The following CARMIL3 variants were observed in gnomAD, a reference collection of about 807,000 sequenced individuals.
The protein encoded by CARMIL3 is capping protein regulator and myosin 1 linker 3.
Under a neutral mutation model 180.8 loss-of-function variants are expected in CARMIL3, and 88 were observed. That is an observed-to-expected ratio of 0.49 (90% CI 0.41 to 0.58). The LOEUF is 0.58. Among genes scored for constraint, CARMIL3 ranks in the 20% least tolerant of loss-of-function variants. CARMIL3 has a pLI of 0.00. For synonymous variants in CARMIL3, 696 were observed against 714.5 expected, an observed-to-expected ratio of 0.97 and a Z score of 0.41; for missense variants, 1,548 against 1,787.0, an observed-to-expected ratio of 0.87 and a Z score of 2.41.
intron 13 of CARMIL3, 57 bp downstream of exon 13, chr14:24,057,081 C>A: frequency 6.3e-7 from 1 of 1,592,710 alleles, no homozygotes; most frequent in Non-Finnish European, 8.6e-7. Context: ...GCTTCAGGAG[C>A]TGGGAGGCCT....
chr14:24,054,312 G>A lies in CARMIL3; in HGVS notation c.246+11G>A. The A allele has an allele frequency of 6.2e-7, 1 of 1,614,200 alleles. No homozygotes were observed. Among genetic ancestry groups the A allele is most frequent in the Non-Finnish European group, 8.5e-7 (1 of 1,180,034 alleles). ...CTCAGTCAGAATCAGGTGAGTACCA[G>A]GGCTTTGGGCCCCACTACTGGGCCA... On this transcript the variant is annotated intron_variant, in intron 4 of 39. Coordinates refer to ENST00000342740, the MANE Select transcript of CARMIL3 (RefSeq NM_138360.4). The surrounding 1 kb of genome is among the most constrained non-coding windows in gnomAD (Gnocchi z 5.1).
In CARMIL3 at chr14:24,061,608, C is replaced by A; in HGVS notation, c.2416C>A (p.Pro806Thr). ...CAATGTGGCGGAGCGTGTCACTGTG[C>A]CCCGGAACTTCATCCGAGGGGCACT... The part of the protein sequence containing the change: ...LSNVAERVTV[P>T]RNFIRGALLE... The change falls in exon 27 of 40, where the codon CCC becomes ACC. Residue 806 changes from proline to threonine, a missense_variant. By Grantham distance (38) the Pro-to-Thr change is conservative. This residue lies in a region of CARMIL3 where 297 missense variants were observed against 415.9 expected (regional missense o/e 0.71). Coordinates refer to ENST00000342740, the MANE Select transcript of CARMIL3 (RefSeq NM_138360.4). The surrounding 1 kb of genome is among the most constrained non-coding windows in gnomAD (Gnocchi z 4.1). 4 of 1,613,920 alleles carry A rather than the reference C, an allele frequency of 2.5e-6. No homozygotes were observed. The highest frequency in any genetic ancestry group is 1.3e-5 in the African/African-American group (1 of 74,980).
In CARMIL3 at chr14:24,061,189, C is replaced by A; in HGVS notation, c.2304+149C>A. ...CACCCACGCTCCCACTGTACCAAGGCATTGCTGCAATATCAGGCTTGGATT... is the reference window on the plus strand; with the variant it reads ...CACCCACGCTCCCACTGTACCAAGGAATTGCTGCAATATCAGGCTTGGATT... On this transcript the variant is annotated intron_variant, in intron 26 of 39. Transcript: ENST00000342740. The surrounding 1 kb of genome is among the most constrained non-coding windows in gnomAD (Gnocchi z 4.1). The A allele has an allele frequency of 1.4e-6, 1 of 693,002 alleles. No homozygotes were observed. 42.9% of individuals were successfully genotyped at this position (693,002 alleles called of 1,614,324 possible). A position where few individuals can be genotyped will look rare whatever the true frequency, so the allele number is the denominator to read the frequency against.
intron 27 of CARMIL3, chr14:24,062,276 G>C (rs1047737996): frequency 1.7e-6 from 1 of 606,036 alleles, no homozygotes; most frequent in African/African-American, 1.9e-5. Context: ...TGGGCTGGGG[G>C]CTCTGGGGTG....
Position 24,065,137 on chromosome 14 carries a change from C to CCCCCCCGGGGG in CARMIL3, c.3260_3261insCCCCCCGGGGG (p.Thr1088ProfsTer144). On this transcript the variant is annotated frameshift_variant, in exon 33 of 40. Transcript: ENST00000342740. LOFTEE classifies it high-confidence loss of function. ...CTCCCTCCACCCCCACCCCCTCCCC[C>CCCCCCCGGGGG]GACTCAGGAGAGCCCCCCTAGCCCA... 1 of 1,444,634 alleles carries CCCCCCCGGGGG rather than the reference C, an allele frequency of 6.9e-7. No homozygotes were observed. The allele number at this position is 1,444,634 out of a possible 1,614,324, so 89.5% of individuals were successfully genotyped here. A position where few individuals can be genotyped will look rare whatever the true frequency, so the allele number is the denominator to read the frequency against.
chr14:24,067,187 C>T (rs528571065), intron 36 of CARMIL3, among the ~76,000 whole-genome samples: 4 of 152,330 alleles, frequency 2.6e-5, no homozygotes, highest in South Asian at 2.1e-4. Context: ...CAGCCACCCG[C>T]GACCTTAAAC....
At position 24,069,188 on chromosome 14, in the gene CARMIL3, G is replaced by A. The variant is rs772801769; in HGVS notation, c.4034G>A (p.Arg1345Gln). The A allele has an allele frequency of 1.7e-5, 27 of 1,613,970 alleles. No homozygotes were observed. Among genetic ancestry groups the A allele is most frequent in the African/African-American group, 4.0e-5 (3 of 74,920 alleles). Residue 1345 changes from arginine to glutamine, a missense_variant, in exon 39 of 40, where the codon CGG (arginine) becomes CAG (glutamine). Coordinates refer to ENST00000342740, the MANE Select transcript of CARMIL3 (RefSeq NM_138360.4). ...RTAPLKPKRT[R>Q]RAQSCDKLEP... is the part of the protein sequence containing the mutation. ...GCCCCCCTGAAGCCCAAGAGGACAC[G>A]GCGGGCACAGTCCTGTGACAAGCTG...
In CARMIL3 at chr14:24,052,065, G is replaced by C; in HGVS notation, c.-89G>C. 6.6e-6 allele frequency: 9 copies of C among 1,355,290 alleles called. No homozygotes were observed. The South Asian group carries it at 1.2e-4, about 18-fold the overall frequency. The allele number at this position is 1,355,290 out of a possible 1,614,324, so 84.0% of individuals were successfully genotyped here. Reference sequence around the variant, plus strand: ...CCGCTGCTGCAGCGCTCAGCGCCCGGGCCCTGCTGAAGCCGGGTCTAGCAT... The same window carrying C: ...CCGCTGCTGCAGCGCTCAGCGCCCGCGCCCTGCTGAAGCCGGGTCTAGCAT... On this transcript the variant is annotated 5_prime_UTR_variant, in exon 1 of 40. Transcript: ENST00000342740.
In CARMIL3 at chr14:24,056,637, G is replaced by A; in HGVS notation, c.881G>A (p.Ser294Asn). Reference protein sequence around the residue: ...PIEDKGFLSLSQQLLCFPSGL... With the variant: ...PIEDKGFLSLNQQLLCFPSGL... ...CACTCCCCAGGTTTTCTCAGTCTGAGCCAGCAGCTCCTCTGCTTCCCCTCT... is the reference window on the plus strand; with the variant it reads ...CACTCCCCAGGTTTTCTCAGTCTGAACCAGCAGCTCCTCTGCTTCCCCTCT... Residue 294 changes from serine to asparagine, a missense_variant, in exon 12 of 40, where the codon AGC becomes AAC. By Grantham distance (46) the Ser-to-Asn change is conservative. This residue lies in a region of CARMIL3 where 578 missense variants were observed against 666.5 expected (regional missense o/e 0.87). Coordinates refer to ENST00000342740, the MANE Select transcript of CARMIL3 (RefSeq NM_138360.4). 2 of 1,613,912 alleles carry A rather than the reference G, an allele frequency of 1.2e-6. No homozygotes were observed. Among genetic ancestry groups the A allele is most frequent in the Non-Finnish European group, 1.7e-6 (2 of 1,180,020 alleles).
Position 24,063,439 on chromosome 14 carries a change from C to G in CARMIL3, c.2885C>G (p.Ser962Cys). 6.2e-7 allele frequency: 1 copy of G among 1,613,938 alleles called. No individual in the cohort carries two copies. Among genetic ancestry groups the G allele is most frequent in the East Asian group, 2.2e-5 (1 of 44,864 alleles). Reference protein sequence around the residue: ...PTASGSWEGLSELPTHGYKLR... With the variant: ...PTASGSWEGLCELPTHGYKLR... Reference sequence around the variant, plus strand: ...GCTAGTGGCTCCTGGGAAGGTCTATCTGAGCTGCCCACTCATGGTTACAAA... The same window carrying G: ...GCTAGTGGCTCCTGGGAAGGTCTATGTGAGCTGCCCACTCATGGTTACAAA... The change falls in exon 31 of 40, where the codon TCT becomes TGT. Residue 962 changes from serine (S) to cysteine (C), a missense_variant. Transcript: ENST00000342740.
intron 14 of CARMIL3, 24 bp from the exon 15 acceptor site, chr14:24,057,779 G>A (rs1302085026): frequency 6.2e-7 from 1 of 1,601,068 alleles, no homozygotes. Context: ...GCTCCCCTGA[G>A]ACCCACCATA....
At position 24,061,536 on chromosome 14, in the gene CARMIL3, T is replaced by C. The variant is rs2035733441; in HGVS notation, c.2344T>C (p.Cys782Arg). 2 of 1,613,968 alleles carry C rather than the reference T, an allele frequency of 1.2e-6. No homozygotes were observed. Among genetic ancestry groups the C allele is most frequent in the African/African-American group, 2.7e-5 (2 of 74,916 alleles). ...ESMVSLTQEL[C>R]PVAMRVAEGH... ...CATGGTCAGCCTGACACAGGAGTTA[T>C]GCCCTGTGGCCATGCGGGTGGCCGA... Residue 782 changes from cysteine to arginine, a missense_variant, in exon 27 of 40, where the codon TGC (cysteine) becomes CGC (arginine). This residue lies in a region of CARMIL3 where 297 missense variants were observed against 415.9 expected (regional missense o/e 0.71). Coordinates refer to ENST00000342740, the MANE Select transcript of CARMIL3 (RefSeq NM_138360.4). The surrounding 1 kb of genome is among the most constrained non-coding windows in gnomAD (Gnocchi z 4.1).
In CARMIL3 at chr14:24,069,154, C is replaced by T. The variant is rs757377104; in HGVS notation, c.4000C>T (p.Arg1334Trp). 24 of 1,613,874 alleles carry T rather than the reference C, an allele frequency of 1.5e-5. No individual in the cohort carries two copies. Among genetic ancestry groups the T allele is most frequent in the Admixed American group, 6.7e-5 (4 of 59,998 alleles). ...PEVQGPPDPG[R>W]RTAPLKPKRT... ...TATTTCAGGGCCCCCTGATCCAGGC[C>T]GGCGGACTGCCCCCCTGAAGCCCAA... is the stretch of plus-strand genomic sequence containing the variant. The change falls in exon 39 of 40, where the codon CGG (arginine) becomes TGG (tryptophan). Residue 1334 changes from arginine (R) to tryptophan (W), a missense_variant. Arg to Trp is a moderately radical substitution (Grantham distance 101). Around this residue, in one of 4 missense-constraint regions of CARMIL3, gnomAD observed 668 missense variants for 687.8 expected, o/e 0.97. Transcript: ENST00000342740.
At position 24,069,218 on chromosome 14, in the gene CARMIL3, C is replaced by G. The variant is rs767913302; in HGVS notation, c.4064C>G (p.Pro1355Arg). 28 of 1,614,092 alleles carry G rather than the reference C, an allele frequency of 1.7e-5. No homozygotes were observed. Among genetic ancestry groups the G allele is most frequent in the Non-Finnish European group, 1.7e-6 (2 of 1,180,008 alleles). Residue 1355 changes from proline to arginine, a missense_variant, in exon 39 of 40, where the codon CCT becomes CGT. Physicochemically the swap from Pro to Arg is moderately radical, Grantham distance 103. Transcript: ENST00000342740. ...RRAQSCDKLE[P>R]DRRRPPDPTG... The stretch of plus-strand genomic sequence containing the variant: ...GCACAGTCCTGTGACAAGCTGGAAC[C>G]TGATAGAAGACGGCCTCCTGACCCC...
Position 24,063,398 on chromosome 14 carries a change from G to C in CARMIL3, c.2844G>C (p.Gly948=), listed in dbSNP as rs746150651. 6.2e-7 allele frequency: 1 copy of C among 1,613,598 alleles called. No homozygotes were observed. ...GIPPGWFSGL[G]GSQPTASGSW... The stretch of plus-strand genomic sequence containing the variant: ...CCCCTGGCTGGTTCTCAGGACTTGG[G>C]GGCAGCCAGCCCACAGCTAGTGGCT... Residue 948 remains glycine (G), a synonymous_variant, in exon 31 of 40, where the codon GGG becomes GGC. Transcript: ENST00000342740.
chr14:24,055,755 G>A lies in CARMIL3; in HGVS notation c.736G>A (p.Glu246Lys), dbSNP rs367755510. Reference protein sequence around the residue: ...LHTLSKSGSLEELVLDNAGLK... With the variant: ...LHTLSKSGSLKELVLDNAGLK... ...TACCCTAAGCAAGTCGGGGAGCCTCGAAGAGCTGGTGCTGGACAACGCCGG... is the reference window on the plus strand; with the variant it reads ...TACCCTAAGCAAGTCGGGGAGCCTCAAAGAGCTGGTGCTGGACAACGCCGG... The change falls in exon 10 of 40, where the codon GAA becomes AAA. Residue 246 changes from glutamate (E) to lysine (K), a missense_variant. Physicochemically the swap from Glu to Lys is moderately conservative, Grantham distance 56 (BLOSUM62 1). Transcript: ENST00000342740. 1.6e-5 allele frequency: 26 copies of A among 1,613,976 alleles called. No individual in the cohort carries two copies. Among genetic ancestry groups the A allele is most frequent in the South Asian group, 2.2e-5 (2 of 91,076 alleles).
At position 24,064,980 on chromosome 14, in the gene CARMIL3, G is replaced by T. The variant is rs542450759; in HGVS notation, c.3103G>T (p.Val1035Leu). Reference protein sequence around the residue: ...SSSYPRTLRTVRPGLSEAPLP... With the variant: ...SSSYPRTLRTLRPGLSEAPLP... ...CAGCTACCCCCGGACTCTGAGGACC[G>T]TGCGGCCAGGACTCTCGGAGGCACC... The change falls in exon 33 of 40, where the codon GTG becomes TTG. Residue 1035 changes from valine to leucine, a missense_variant. Coordinates refer to ENST00000342740, the MANE Select transcript of CARMIL3 (RefSeq NM_138360.4). 57 of 1,611,876 alleles carry T rather than the reference G, an allele frequency of 3.5e-5. No homozygotes were observed. The highest frequency in any genetic ancestry group is 4.6e-5 in the Non-Finnish European group (54 of 1,179,530).
chr14:24,058,585 C>A lies in CARMIL3; in HGVS notation c.1393-95C>A. 1.0e-6 allele frequency: 1 copy of A among 961,524 alleles called. No homozygotes were observed. The highest frequency in any genetic ancestry group is 1.5e-5 in the South Asian group (1 of 65,948). The allele number at this position is 961,524 out of a possible 1,614,324, so 59.6% of individuals were successfully genotyped here. On this transcript the variant is annotated intron_variant, in intron 17 of 39. Coordinates refer to ENST00000342740, the MANE Select transcript of CARMIL3 (RefSeq NM_138360.4). The surrounding 1 kb of genome is among the most constrained non-coding windows in gnomAD (Gnocchi z 6.4). ...ATTTTACACCCAGATCCTGGCATGACTTTGAGTTCTGGTGTGACTACTATA... is the reference window on the plus strand; with the variant it reads ...ATTTTACACCCAGATCCTGGCATGAATTTGAGTTCTGGTGTGACTACTATA...
intron 35 of CARMIL3, 39 bp from the exon 36 acceptor site, chr14:24,066,528 C>T (rs2035788432): frequency 6.2e-7 from 1 of 1,612,248 alleles, no homozygotes; most frequent in Non-Finnish European, 8.5e-7. Flanking sequence ...TTACCTTTTC[C>T]CTTTCTCCTC....
Sources: allele counts gnomAD v4.1 joint callset (sites outside exome capture counted in the v4.1 genomes callset), GRCh38; gene constraint gnomAD v4.1.1; regional missense constraint gnomAD v4.1.1; non-coding constraint Gnocchi (gnomAD v3.1); transcripts MANE v1.5; gene names NCBI Gene and HGNC (gene_info 2026-07-23, HGNC 2026-07-21).